The following ABCA10 variants were observed in gnomAD, a reference collection of about 807,000 sequenced individuals.
ABCA10 encodes the protein ATP binding cassette subfamily A member 10, also known as ATP-binding cassette sub-family A member 10.
Under a neutral mutation model 187.5 loss-of-function variants are expected in ABCA10, and 169 were observed. The ratio of observed to expected loss-of-function variants is 0.90; its 90% confidence interval spans 0.80 to 1.02. The LOEUF (loss-of-function observed/expected upper bound fraction) is 1.02, where lower values mean the gene tolerates loss of function less well. Ranked by LOEUF, ABCA10 falls within the 50% of genes least tolerant of loss-of-function variation. The probability of loss-of-function intolerance (pLI) is 0.00; values close to 1 mark genes in which losing one functional copy is unlikely to be tolerated. For synonymous variants in ABCA10, 574 were observed against 601.8 expected (o/e 0.95, Z 0.68); for missense variants, 1,727 against 1,812.4 (o/e 0.95, Z 0.86).
chr17:69,183,662 C>T (rs770153743), intron 20 of ABCA10, among the ~76,000 whole-genome samples: 5 of 151,926 alleles, frequency 3.3e-5, no homozygotes, highest in Admixed American at 6.6e-5. Context: ...GAAAGCCAAG[C>T]GAAATATAGG....
At chr17:69,153,639 T>C in intron 32 of ABCA10, 93 bp from the exon 33 acceptor site, 2 of 1,500,714 alleles carry the variant, frequency 1.3e-6, no homozygotes, top group Non-Finnish European at 9.0e-7. Flanking sequence ...TTATTCTAGA[T>C]AGTAAATTTA....
rs749692290 is a variant in ABCA10, at chr17:69,187,861, T to C, written c.2150A>G (p.Gln717Arg). The change falls in exon 19 of 39, where the codon CAA becomes CGA. Residue 717 changes from glutamine to arginine, a missense_variant. Coordinates refer to ENST00000690296, the MANE Select transcript of ABCA10 (RefSeq NM_001377321.1). ...ATTTCTTGTCACATGTATTTTCTCT[T>C]GTTTCCCAATGTCAAAATCTACAAT... ...IDEPDFDIGKQEKIHVTRNTG... is the reference protein window; with the variant it reads ...IDEPDFDIGKREKIHVTRNTG... The C allele has an allele frequency of 1.1e-5, 17 of 1,613,160 alleles. No individual in the cohort carries two copies. In the South Asian group the frequency reaches 1.9e-4, roughly 18 times the overall value.
rs1188674360 is a variant in ABCA10, at chr17:69,222,540, T to C, written c.192A>G (p.Glu64=). The change falls in exon 4 of 39, where the codon GAA becomes GAG. Residue 64 remains glutamate, a synonymous_variant. Transcript: ENST00000690296. ...YRIPVIKEHS[E]YTEHCWAMHG... ...CAGTTTTTTTATAGTTACCTGTGTA[T>C]TCAGAGTGCTCCTTTATAACTGGGA... 1 of 1,569,582 alleles carries C rather than the reference T, an allele frequency of 6.4e-7. No individual in the cohort carries two copies. The highest frequency in any genetic ancestry group is 1.4e-5 in the African/African-American group (1 of 71,986).
intron 30 of ABCA10, 94 bp from the exon 31 acceptor site, chr17:69,154,420 C>CTTTTT (rs56142812): frequency 1.9e-5 from 9 of 464,342 alleles, no homozygotes; most frequent in South Asian, 6.5e-5. Flanking sequence ...AACAAAATGA[C>CTTTTT]TTTTTTTTTT....
chr17:69,216,053 T>C (rs2074701408), intron 7 of ABCA10, 53 bp from the exon 8 acceptor site: 3 of 1,573,366 alleles, frequency 1.9e-6, no homozygotes, highest in African/African-American at 1.4e-5. Flanking sequence ...GATTCATAAA[T>C]AGCAATATTC....
intron 9 of ABCA10, among the ~76,000 whole-genome samples, chr17:69,206,928 T>A (rs1167400997): frequency 6.6e-6 from 1 of 152,008 alleles, no homozygotes; most frequent in Non-Finnish European, 1.5e-5. Flanking sequence ...TGGGATTACA[T>A]CAAACTAAAA....
intron 18 of ABCA10, among the ~76,000 whole-genome samples, chr17:69,188,671 G>A (rs1341532320): frequency 6.6e-6 from 1 of 151,576 alleles, no homozygotes; most frequent in Non-Finnish European, 1.5e-5. Flanking sequence ...TACCCACTAG[G>A]TCATTTTTCA....
chr17:69,188,981 G>A (rs773293330), intron 18 of ABCA10, among the ~76,000 whole-genome samples: 28 of 152,146 alleles, frequency 1.8e-4, no homozygotes, highest in South Asian at 4.1e-4. Flanking sequence ...TGTGCATAGT[G>A]CTGCAATGAA....
At chr17:69,214,632 A>G in intron 9 of ABCA10, 72 bp downstream of exon 9, 2 of 1,256,928 alleles carry the variant, frequency 1.6e-6, no homozygotes, top group Non-Finnish European at 2.1e-6. Context: ...AGTTACAAAT[A>G]AACAGATATT....
At position 69,148,040 on chromosome 17, in the gene ABCA10, A is replaced by G. The variant is rs1188543983; in HGVS notation, c.*787T>C. On this transcript the variant is annotated 3_prime_UTR_variant, in exon 39 of 39. Transcript: ENST00000690296. ...ATCAAAGTTTTATTTCTAAGAAATA[A>G]ACTTGCATATAACCCGAACGTAACA... 6.6e-6 allele frequency: 1 copy of G among 152,178 alleles called. No individual in the cohort carries two copies. Among genetic ancestry groups the G allele is most frequent in the Non-Finnish European group, 1.5e-5 (1 of 68,030 alleles). 9.4% of individuals were successfully genotyped at this position (152,178 alleles called of 1,614,324 possible). A position where few individuals can be genotyped will look rare whatever the true frequency, so the allele number is the denominator to read the frequency against.
chr17:69,192,076 G>C (rs2074464423), intron 16 of ABCA10, among the ~76,000 whole-genome samples: 1 of 152,218 alleles, frequency 6.6e-6, no homozygotes, highest in Non-Finnish European at 1.5e-5. Flanking sequence ...TGTAATCCCA[G>C]CACTTTGGGA....
intron 1 of ABCA10, among the ~76,000 whole-genome samples, chr17:69,242,996 G>A (rs577588893): frequency 1.3e-5 from 2 of 152,228 alleles, no homozygotes; most frequent in Admixed American, 1.3e-4. Flanking sequence ...GTCTTAGAAG[G>A]CAGATCCAGG....
intron 5 of ABCA10, 52 bp from the exon 6 acceptor site, chr17:69,219,823 T>G (rs747327565): frequency 8.2e-7 from 1 of 1,214,564 alleles, no homozygotes; most frequent in Non-Finnish European, 1.1e-6. Context: ...CAAAATATAT[T>G]AGAAAACTAT....
rs369537138 is a variant in ABCA10 at position 69,193,628 on chromosome 17, C to G, written c.1522-16G>C. The G allele has an allele frequency of 6.3e-7, 1 of 1,590,852 alleles. No individual in the cohort carries two copies. The highest frequency in any genetic ancestry group is 8.6e-7 in the Non-Finnish European group (1 of 1,166,568). On this transcript the variant is annotated splice_polypyrimidine_tract_variant and intron_variant, in intron 13 of 38. Coordinates refer to ENST00000690296, the MANE Select transcript of ABCA10 (RefSeq NM_001377321.1). ...TTCTTTTTACCTATCAAAGAAAACT[C>G]TGTGTTAACAATATCAAATATTTTA...
At position 69,154,003 on chromosome 17, in the gene ABCA10, A is replaced by C. The variant is rs778354658; in HGVS notation, c.3793T>G (p.Leu1265Val). ...CTKPTAGVVV[L>V]QGSRASVRQQ... ...CTTACTGATGCTCTGCTGCCTTGTA[A>C]CACCACCTGCACAAGACAATGAATG... The change falls in exon 32 of 39, where the codon TTA becomes GTA. Residue 1265 changes from leucine (L) to valine (V), a missense_variant. Leu to Val is a conservative substitution (Grantham distance 32, BLOSUM62 1). Coordinates refer to ENST00000690296, the MANE Select transcript of ABCA10 (RefSeq NM_001377321.1). 16 of 1,613,414 alleles carry C rather than the reference A, an allele frequency of 9.9e-6. No individual in the cohort carries two copies. In the Admixed American group the frequency reaches 1.0e-4, roughly 10 times the overall value.
At position 69,175,506 on chromosome 17, in the gene ABCA10, A is replaced by G. The variant is rs1443665254; in HGVS notation, c.2777T>C (p.Ile926Thr). 6.2e-7 allele frequency: 1 copy of G among 1,606,318 alleles called. No homozygotes were observed. Among genetic ancestry groups the G allele is most frequent in the African/African-American group, 1.3e-5 (1 of 74,578 alleles). ...ATCTATAAAACCAAGATCCAGCACT[A>G]TGTCATCCTGAAAGATGAAAACACA... ...MESTSFSRDD[I>T]VLDLGFIDGS... Residue 926 changes from isoleucine (I) to threonine (T), a missense_variant, in exon 23 of 39, where the codon ATA becomes ACA. Coordinates refer to ENST00000690296, the MANE Select transcript of ABCA10 (RefSeq NM_001377321.1).
At chr17:69,215,725 G>A in intron 8 of ABCA10, 90 bp downstream of exon 8, 1 of 1,206,454 alleles carries the variant, frequency 8.3e-7, no homozygotes, top group South Asian at 2.7e-5. Context: ...CAGAGTGGCT[G>A]ATTATTAAAT....
At chr17:69,238,225 C>A (rs944180387) in intron 1 of ABCA10, among the ~76,000 whole-genome samples, 2 of 151,994 alleles carry the variant, frequency 1.3e-5, no homozygotes, top group Non-Finnish European at 2.9e-5. Context: ...ACTGATTCTC[C>A]CTCTGAGTAT....
intron 27 of ABCA10, among the ~76,000 whole-genome samples, chr17:69,162,331 AG>A (rs1393975749): frequency 6.6e-6 from 1 of 152,244 alleles, no homozygotes; most frequent in Non-Finnish European, 1.5e-5. Flanking sequence ...TTAAAGCAAA[AG>A]TGAATTAGTC....
Sources: gnomAD v4.1 joint callset for allele counts (sites outside exome capture counted in the v4.1 genomes callset) on GRCh38, gnomAD v4.1.1 for gene constraint, MANE v1.5 for transcripts, NCBI Gene and HGNC (gene_info 2026-07-23, HGNC 2026-07-21) for gene names.